Variants in SLAMF6 observed in about 807,000 individuals in gnomAD.
SLAMF6 encodes the protein SLAM family member 6.
SLAMF6 carries 21 observed loss-of-function variants against 38.3 expected under a neutral mutation model. The ratio of observed to expected loss-of-function variants is 0.55; its 90% CI spans 0.39 to 0.79. The LOEUF is 0.79. Ranked by LOEUF, SLAMF6 falls within the 30% of genes least tolerant of loss-of-function variation. SLAMF6 has a pLI of 0.00. For missense variants in SLAMF6, 341 were observed against 385.3 expected (o/e 0.89, Z 0.96); for synonymous variants, 152 against 146.3 (o/e 1.04, Z -0.28).
chr1:160,501,730 T>C (rs1183308880), intron 1 of SLAMF6, among the ~76,000 whole-genome samples: 1 of 150,772 alleles, frequency 6.6e-6, no homozygotes, highest in Non-Finnish European at 1.5e-5. Flanking sequence ...CTTTTCCCTC[T>C]GCTTAAAATG....
intron 2 of SLAMF6, 100 bp downstream of exon 2, chr1:160,495,961 C>G: frequency 1.8e-6 from 2 of 1,095,586 alleles, no homozygotes; most frequent in Non-Finnish European, 1.3e-6. Context: ...ATGCCATATT[C>G]TTTACCACTA....
intron 1 of SLAMF6, among the ~76,000 whole-genome samples, chr1:160,505,288 C>T (rs559405256): frequency 1.3e-5 from 2 of 152,206 alleles, no homozygotes; most frequent in African/African-American, 2.4e-5. Context: ...CTAGTTTCAA[C>T]AAAAAATTAT....
At chr1:160,513,776 A>T (rs998290143) in intron 1 of SLAMF6, among the ~76,000 whole-genome samples, 6 of 152,228 alleles carry the variant, frequency 3.9e-5, no homozygotes, top group African/African-American at 1.4e-4. Flanking sequence ...TTCATAAGCA[A>T]AGGAGAAATA....
intron 1 of SLAMF6, among the ~76,000 whole-genome samples, chr1:160,504,036 C>CAAAA (rs1654052037): frequency 8.9e-5 from 1 of 11,194 alleles, no homozygotes; most frequent in African/African-American, 3.3e-4. Context: ...AAAAAAAAAG[C>CAAAA]AAAAGAAAAA....
intron 1 of SLAMF6, among the ~76,000 whole-genome samples, chr1:160,521,868 TC>T (rs973269008): frequency 6.6e-6 from 1 of 152,182 alleles, no homozygotes; most frequent in African/African-American, 2.4e-5. Flanking sequence ...TCTCTCCCTT[TC>T]CTTCTTGATT....
intron 1 of SLAMF6, among the ~76,000 whole-genome samples, chr1:160,515,865 A>T (rs902668934): frequency 5.3e-5 from 8 of 152,204 alleles, no homozygotes; most frequent in African/African-American, 1.9e-4. Flanking sequence ...TAAAACAATA[A>T]GAGACATTTA....
intron 1 of SLAMF6, among the ~76,000 whole-genome samples, chr1:160,501,455 G>A (rs1316633470): frequency 6.6e-6 from 1 of 152,160 alleles, no homozygotes; most frequent in African/African-American, 2.4e-5. Context: ...TAATCTTGAG[G>A]TCAGGGATTC....
intron 1 of SLAMF6, among the ~76,000 whole-genome samples, chr1:160,504,436 C>T (rs1654074622): frequency 6.6e-6 from 1 of 152,090 alleles, no homozygotes; most frequent in Non-Finnish European, 1.5e-5. Flanking sequence ...GTTTGATTGC[C>T]CTTTCCCCGA....
chr1:160,490,015 C>T (rs1436418751), intron 5 of SLAMF6, among the ~76,000 whole-genome samples, 183 bp downstream of exon 5: 1 of 152,088 alleles, frequency 6.6e-6, no homozygotes, highest in Non-Finnish European at 1.5e-5. Flanking sequence ...GTTCACATGC[C>T]TATGCCTGTG....
chr1:160,508,399 G>T (rs554238945), intron 1 of SLAMF6, among the ~76,000 whole-genome samples: 4 of 152,254 alleles, frequency 2.6e-5, no homozygotes, highest in Non-Finnish European at 5.9e-5. Context: ...ATAAAAACAA[G>T]AAATGGAGAA....
intron 7 of SLAMF6, among the ~76,000 whole-genome samples, 161 bp downstream of exon 7, chr1:160,486,943 A>C (rs1258653395): frequency 6.6e-6 from 1 of 152,194 alleles, no homozygotes; most frequent in African/African-American, 2.4e-5. Flanking sequence ...CTAATACAAA[A>C]TAACTTCTTG....
intron 1 of SLAMF6, among the ~76,000 whole-genome samples, chr1:160,499,854 G>A (rs1653792364): frequency 6.6e-6 from 1 of 152,172 alleles, no homozygotes; most frequent in Non-Finnish European, 1.5e-5. Context: ...GAACATTGCT[G>A]TCATCAACAT....
intron 1 of SLAMF6, among the ~76,000 whole-genome samples, chr1:160,517,296 A>G (rs952858832): frequency 6.6e-6 from 1 of 152,246 alleles, no homozygotes; most frequent in African/African-American, 2.4e-5. Flanking sequence ...AATACAATTG[A>G]AAACCACAAT....
chr1:160,488,319 C>T (rs1051675770), intron 6 of SLAMF6, among the ~76,000 whole-genome samples: 1 of 152,122 alleles, frequency 6.6e-6, no homozygotes, highest in Non-Finnish European at 1.5e-5. Context: ...TGCTTCCTGT[C>T]ATCAAGGATC....
At chr1:160,493,564 A>G (rs1266943063) in intron 2 of SLAMF6, among the ~76,000 whole-genome samples, 1 of 152,138 alleles carries the variant, frequency 6.6e-6, no homozygotes, top group Non-Finnish European at 1.5e-5. Context: ...TTGCTCACTG[A>G]TGTATTCCAG....
intron 5 of SLAMF6, 113 bp from the exon 6 acceptor site, chr1:160,489,283 T>A (rs558319650): frequency 4.1e-6 from 4 of 964,664 alleles, no homozygotes; most frequent in Non-Finnish European, 6.6e-6. Context: ...GTTTGAAGCA[T>A]CTCCTTTCCT....
chr1:160,502,829 G>T (rs1455727788), intron 1 of SLAMF6, among the ~76,000 whole-genome samples: 1 of 152,186 alleles, frequency 6.6e-6, no homozygotes, highest in Non-Finnish European at 1.5e-5. Flanking sequence ...GTATGAAAGA[G>T]AGTAGGGGCT....
intron 1 of SLAMF6, among the ~76,000 whole-genome samples, 197 bp downstream of exon 1, chr1:160,522,947 C>T (rs1414664087): frequency 6.6e-6 from 1 of 152,158 alleles, no homozygotes; most frequent in Non-Finnish European, 1.5e-5. Flanking sequence ...AATTGTTCAC[C>T]GACAACCATC....
Position 160,504,954 on chromosome 1 carries a change from C to T in SLAMF6, c.50-8561G>A, listed in dbSNP as rs377082657. ...GGTACAAGAAGAAAGTCAAGGCTAA[C>T]GCAGAGTGGTAGCCTGTCTAGGCAT... On this transcript the variant is annotated intron_variant, in intron 1 of 7. Coordinates refer to ENST00000368057, the MANE Select transcript of SLAMF6 (RefSeq NM_001184714.2). Among the ~76,000 whole-genome samples, 284 of 152,266 alleles carry T rather than the reference C, an allele frequency of 1.9e-3. 3 individuals carry two copies. The highest frequency in any genetic ancestry group is 0.013 in the South Asian group (63 of 4,818).
Sources: allele counts gnomAD v4.1 joint callset (sites outside exome capture counted in the v4.1 genomes callset), GRCh38; gene constraint gnomAD v4.1.1; transcripts MANE v1.5; gene names NCBI Gene and HGNC (gene_info 2026-07-23, HGNC 2026-07-21).